Variants in ZNF385B observed in about 807,000 individuals in gnomAD.
The protein encoded by ZNF385B is zinc finger protein 385B, also known as zinc finger protein 533.
A neutral mutation model predicts 39.2 loss-of-function variants in ZNF385B; 23 were observed. The observed-to-expected ratio is 0.59, with a 90% CI of 0.42 to 0.83. The LOEUF (loss-of-function observed/expected upper bound fraction) is 0.83. ZNF385B is among the 40% of genes least tolerant of loss of function. ZNF385B has a pLI of 0.00. For synonymous variants in ZNF385B, 205 were observed against 222.6 expected (o/e 0.92, Z 0.70); for missense variants, 552 against 598.9 (o/e 0.92, Z 0.82).
intron 3 of ZNF385B, among the ~76,000 whole-genome samples, chr2:179,656,098 TAGAG>T (rs1693730785): frequency 6.6e-6 from 1 of 152,168 alleles, no homozygotes; most frequent in Non-Finnish European, 1.5e-5. Flanking sequence ...ACATTTGTCT[TAGAG>T]GGAGTTCTGC....
intron 3 of ZNF385B, among the ~76,000 whole-genome samples, chr2:179,661,076 A>G (rs553807039): frequency 3.9e-5 from 6 of 152,208 alleles, no homozygotes; most frequent in African/African-American, 7.2e-5. Flanking sequence ...CAATGTTAAC[A>G]TGACTAGTTA....
rs923959963 is a variant in ZNF385B at position 179,493,780 on chromosome 2, TAC to T, written c.553-10348_553-10347del. 2.7e-3 allele frequency among the ~76,000 whole-genome samples: 268 copies of T among 99,066 alleles called. 10 individuals are homozygous for T. Among genetic ancestry groups the T allele is most frequent in the African/African-American group, 9.3e-3 (258 of 27,776 alleles). The allele number at this position is 99,066 out of a possible 152,430, so 65.0% of individuals were successfully genotyped here. A position where few individuals can be genotyped will look rare whatever the true frequency, so the allele number is the denominator to read the frequency against. ...ACATATATGTATACATATATGTATA[TAC>T]ACATATGTATACATATATGTATATA... On this transcript the variant is annotated intron_variant, in intron 5 of 9. Transcript: ENST00000410066.
At chr2:179,673,969 C>T (rs112231995) in intron 3 of ZNF385B, among the ~76,000 whole-genome samples, 18 of 152,128 alleles carry the variant, frequency 1.2e-4, no homozygotes, top group African/African-American at 4.3e-4. Context: ...ATATAACTAT[C>T]AAAAGATTAA....
At chr2:179,811,210 T>C (rs957541017) in intron 1 of ZNF385B, among the ~76,000 whole-genome samples, 17 of 152,122 alleles carry the variant, frequency 1.1e-4, no homozygotes, top group African/African-American at 3.9e-4. Context: ...AGAATTAATA[T>C]TGTTAAAATA....
intron 3 of ZNF385B, among the ~76,000 whole-genome samples, chr2:179,725,910 G>GTATA (rs72080859): frequency 5.6e-4 from 78 of 138,824 alleles, no homozygotes; most frequent in African/African-American, 9.8e-4. Flanking sequence ...GTTTGTGTGT[G>GTATA]TATATATATA....
At chr2:179,819,924 C>A (rs1027043252) in intron 1 of ZNF385B, among the ~76,000 whole-genome samples, 1 of 152,136 alleles carries the variant, frequency 6.6e-6, no homozygotes, top group African/African-American at 2.4e-5. Flanking sequence ...CTTCCCCTAA[C>A]AAGATGTCTG....
intron 4 of ZNF385B, among the ~76,000 whole-genome samples, chr2:179,535,976 G>A (rs113998393): frequency 0.018 from 2,703 of 152,242 alleles, 80 homozygotes; most frequent in African/African-American, 0.061. Context: ...GGATGGGTTC[G>A]CAAGCTTTTG....
At chr2:179,725,879 G>T (rs1159019097) in intron 3 of ZNF385B, among the ~76,000 whole-genome samples, 2 of 144,822 alleles carry the variant, frequency 1.4e-5, no homozygotes, top group Non-Finnish European at 3.0e-5. Context: ...ATACATACAT[G>T]ATATATATAT....
At chr2:179,777,934 G>A (rs980418864) in intron 1 of ZNF385B, among the ~76,000 whole-genome samples, 13 of 151,748 alleles carry the variant, frequency 8.6e-5, no homozygotes, top group African/African-American at 1.7e-4. Context: ...CACCATGCCC[G>A]GCTAATTTTT....
chr2:179,734,468 T>C (rs2887086), intron 3 of ZNF385B, among the ~76,000 whole-genome samples: 12,644 of 152,268 alleles, frequency 0.083, 606 homozygotes, highest in Non-Finnish European at 0.11. Flanking sequence ...GGTTTGATCT[T>C]ATCCATCTGA....
intron 4 of ZNF385B, among the ~76,000 whole-genome samples, chr2:179,524,745 C>T (rs531991375): frequency 4.6e-5 from 7 of 151,912 alleles, no homozygotes; most frequent in South Asian, 2.1e-4. Flanking sequence ...CAATTGGAGG[C>T]TGGGAAAAGA....
intron 1 of ZNF385B, among the ~76,000 whole-genome samples, chr2:179,849,160 C>T (rs1708951239): frequency 6.6e-6 from 1 of 152,230 alleles, no homozygotes; most frequent in South Asian, 2.1e-4. Flanking sequence ...CCCAAACAGA[C>T]TTCTAAGCCC....
At chr2:179,815,008 C>T (rs165372) in intron 1 of ZNF385B, among the ~76,000 whole-genome samples, 139,424 of 152,276 alleles carry the variant, frequency 0.92, 64,114 homozygotes, top group Non-Finnish European at 0.95. Flanking sequence ...ATTCTTCATT[C>T]CCTTATTTCT....
chr2:179,827,824 C>T (rs182913628), intron 1 of ZNF385B, among the ~76,000 whole-genome samples: 4 of 152,246 alleles, frequency 2.6e-5, no homozygotes, highest in African/African-American at 7.2e-5. Flanking sequence ...GCATCAAGAT[C>T]GACAAGATTA....
intron 3 of ZNF385B, among the ~76,000 whole-genome samples, chr2:179,657,990 T>C (rs1448856038): frequency 6.6e-6 from 1 of 152,208 alleles, no homozygotes; most frequent in Non-Finnish European, 1.5e-5. Flanking sequence ...TCTGCAAACC[T>C]TAAATTTTCA....
At chr2:179,581,889 A>G (rs1266830999) in intron 3 of ZNF385B, among the ~76,000 whole-genome samples, 1 of 152,198 alleles carries the variant, frequency 6.6e-6, no homozygotes, top group Non-Finnish European at 1.5e-5. Context: ...CATGGAGTAG[A>G]CTGGGCTCCC....
At chr2:179,542,037 G>A (rs2059949961) in intron 4 of ZNF385B, among the ~76,000 whole-genome samples, 1 of 152,180 alleles carries the variant, frequency 6.6e-6, no homozygotes, top group Admixed American at 6.5e-5. Context: ...TTTGAGAGAT[G>A]TAAAACATCA....
At chr2:179,733,293 T>C (rs1430883515) in intron 3 of ZNF385B, among the ~76,000 whole-genome samples, 1 of 152,180 alleles carries the variant, frequency 6.6e-6, no homozygotes, top group African/African-American at 2.4e-5. Flanking sequence ...GGATGACTTC[T>C]CCTCTATATC....
chr2:179,588,254 A>C (rs1189473139), intron 3 of ZNF385B, among the ~76,000 whole-genome samples: 4 of 151,984 alleles, frequency 2.6e-5, no homozygotes, highest in African/African-American at 9.7e-5. Context: ...ATGCCCGGCT[A>C]ATTTTTTGTA....
Sources: gnomAD v4.1 joint callset for allele counts (sites outside exome capture counted in the v4.1 genomes callset) on GRCh38, gnomAD v4.1.1 for gene constraint, MANE v1.5 for transcripts, NCBI Gene and HGNC (gene_info 2026-07-23, HGNC 2026-07-21) for gene names.